Variants in WWOX observed in about 807,000 individuals in gnomAD.
The protein encoded by WWOX is WW domain containing oxidoreductase.
Under a neutral mutation model 46.2 loss-of-function variants are expected in WWOX, and 69 were observed. The ratio of observed to expected loss-of-function variants is 1.49; its 90% CI spans 1.23 to 1.82. The LOEUF is 1.82. Among genes scored for constraint, WWOX ranks in the 40% most tolerant of loss-of-function variants. The pLI is 0.00. For missense variants in WWOX, 919 were observed against 542.6 expected (o/e 1.69, Z -6.89); for synonymous variants, 359 against 202.6 (o/e 1.77, Z -6.56).
At chr16:78,114,861 A>G (rs913856876) in intron 3 of WWOX, 115 bp from the exon 4 acceptor site, 2 of 1,340,614 alleles carry the variant, frequency 1.5e-6, no homozygotes, top group East Asian at 2.4e-5. Context: ...TTCAGGTTTA[A>G]GGAATAAGCA....
chr16:79,180,941 T>G (rs2050899260), intron 8 of WWOX, among the ~76,000 whole-genome samples: 1 of 152,256 alleles, frequency 6.6e-6, no homozygotes, highest in Non-Finnish European at 1.5e-5. Context: ...TTTTCCCTAT[T>G]CCAGGCACAT....
intron 8 of WWOX, among the ~76,000 whole-genome samples, chr16:79,163,816 A>AAAGAG (rs1294854077): frequency 4.0e-5 from 5 of 124,510 alleles, no homozygotes; most frequent in African/African-American, 1.8e-4. Flanking sequence ...AAAAAAAAAA[A>AAAGAG]AGAGAGAGAG....
chr16:78,919,737 G>A (rs904989416), intron 8 of WWOX, among the ~76,000 whole-genome samples: 5 of 151,876 alleles, frequency 3.3e-5, no homozygotes, highest in Non-Finnish European at 5.9e-5. Flanking sequence ...AGCTGGTCTC[G>A]AACTCGTGAC....
chr16:78,982,111 G>C (rs987042284), intron 8 of WWOX, among the ~76,000 whole-genome samples: 1 of 152,018 alleles, frequency 6.6e-6, no homozygotes, highest in Non-Finnish European at 1.5e-5. Flanking sequence ...AAACTCCGTG[G>C]GGTTTGTATT....
At chr16:78,502,118 A>T (rs1454312204) in intron 8 of WWOX, among the ~76,000 whole-genome samples, 1 of 152,106 alleles carries the variant, frequency 6.6e-6, no homozygotes, top group Admixed American at 6.5e-5. Flanking sequence ...GCACACATCC[A>T]CTGGAGCTTT....
At chr16:78,374,764 A>G (rs980243669) in intron 5 of WWOX, among the ~76,000 whole-genome samples, 5 of 151,726 alleles carry the variant, frequency 3.3e-5, no homozygotes, top group African/African-American at 4.8e-5. Flanking sequence ...GTTAGCCAGG[A>G]TGGTCTTGAT....
At chr16:79,105,091 G>A (rs990506610) in intron 8 of WWOX, among the ~76,000 whole-genome samples, 11 of 152,092 alleles carry the variant, frequency 7.2e-5, no homozygotes, top group African/African-American at 2.7e-4. Flanking sequence ...ACCAGCACAG[G>A]GACGCAGCCC....
intron 8 of WWOX, among the ~76,000 whole-genome samples, chr16:78,753,652 A>G (rs569147472): frequency 6.6e-6 from 1 of 151,322 alleles, no homozygotes; most frequent in Admixed American, 6.6e-5. Flanking sequence ...ATAAACAGAA[A>G]TTAGCTGGGC....
intron 8 of WWOX, among the ~76,000 whole-genome samples, chr16:78,952,790 G>C (rs946140514): frequency 1.3e-5 from 2 of 152,154 alleles, no homozygotes; most frequent in South Asian, 2.1e-4. Context: ...CCCAGCAGAA[G>C]GCTTAGCTGT....
intron 8 of WWOX, among the ~76,000 whole-genome samples, chr16:78,565,940 C>T (rs746817522): frequency 7.6e-6 from 1 of 131,878 alleles, no homozygotes; most frequent in South Asian, 2.6e-4. Context: ...GATATTCATA[C>T]AATGGCGATT....
intron 8 of WWOX, among the ~76,000 whole-genome samples, chr16:78,886,552 T>C (rs1006327011): frequency 2.0e-5 from 3 of 151,386 alleles, no homozygotes; most frequent in Non-Finnish European, 4.4e-5. Flanking sequence ...TCATCTCACA[T>C]CTAAACTGTT....
chr16:78,384,645 C>T (rs920529389), intron 5 of WWOX, among the ~76,000 whole-genome samples: 4 of 152,096 alleles, frequency 2.6e-5, no homozygotes, highest in African/African-American at 9.7e-5. Context: ...ACTAACAACC[C>T]ACGTGTGGGC....
intron 6 of WWOX, among the ~76,000 whole-genome samples, chr16:78,400,970 G>T (rs1322034765): frequency 6.6e-6 from 1 of 152,128 alleles, no homozygotes; most frequent in African/African-American, 2.4e-5. Flanking sequence ...CTACATGCCT[G>T]CACCATCATG....
At chr16:78,566,766 T>C (rs1283625142) in intron 8 of WWOX, among the ~76,000 whole-genome samples, 1 of 152,182 alleles carries the variant, frequency 6.6e-6, no homozygotes, top group Non-Finnish European at 1.5e-5. Flanking sequence ...AAGGTGGAGA[T>C]GTGCAATAAA....
At chr16:78,204,848 A>G (rs1432582786) in intron 5 of WWOX, among the ~76,000 whole-genome samples, 2 of 152,160 alleles carry the variant, frequency 1.3e-5, no homozygotes, top group Non-Finnish European at 2.9e-5. Context: ...GTTGATTTTT[A>G]TGTCTTACCT....
intron 8 of WWOX, chr16:78,897,792 T>C (rs1005145370): frequency 1.3e-5 from 2 of 152,192 alleles, no homozygotes; most frequent in African/African-American, 4.8e-5. Context: ...CCGCTAGAAG[T>C]GTGTAAGAGT....
intron 8 of WWOX, among the ~76,000 whole-genome samples, chr16:78,594,599 C>A (rs535209440): frequency 3.9e-5 from 6 of 152,046 alleles, no homozygotes; most frequent in Admixed American, 1.3e-4. Flanking sequence ...ATTTTCACCT[C>A]CTTTCCTGGT....
At chr16:78,363,433 C>T (rs1010837918) in intron 5 of WWOX, among the ~76,000 whole-genome samples, 1 of 94,198 alleles carries the variant, frequency 1.1e-5, no homozygotes, top group Admixed American at 9.6e-5. Flanking sequence ...ACCACCACTT[C>T]CAGCTGATTA....
At chr16:78,725,289 A>G (rs1246586895) in intron 8 of WWOX, among the ~76,000 whole-genome samples, 1 of 150,010 alleles carries the variant, frequency 6.7e-6, no homozygotes, top group Non-Finnish European at 1.5e-5. Context: ...TTTCTTTATA[A>G]ATTACCCAGT....
Sources: gnomAD v4.1 joint callset for allele counts (sites outside exome capture counted in the v4.1 genomes callset) on GRCh38, gnomAD v4.1.1 for gene constraint, MANE v1.5 for transcripts, NCBI Gene and HGNC (gene_info 2026-07-23, HGNC 2026-07-21) for gene names.